Variants in CFAP410 observed in about 807,000 individuals in gnomAD.
CFAP410 encodes the protein cilia- and flagella-associated protein 410.
CFAP410 carries 27 observed loss-of-function variants against 25.7 expected under a neutral mutation model. The ratio of observed to expected loss-of-function variants is 1.05; its 90% CI spans 0.77 to 1.45. CFAP410 has a LOEUF of 1.45. CFAP410 is among the 40% of genes most tolerant of loss of function. The pLI, the probability that CFAP410 is intolerant of heterozygous loss-of-function variation, is 0.00. For missense variants in CFAP410, 428 were observed against 354.1 expected (o/e 1.21, Z -1.67); for synonymous variants, 178 against 158.4 (o/e 1.12, Z -0.93).
chr21:44,330,998 C>T (rs1030337425), intron 5 of CFAP410, 79 bp from the exon 6 acceptor site: 41 of 1,284,686 alleles, frequency 3.2e-5, no homozygotes, highest in Admixed American at 2.3e-4. Context: ...GTCTGCGGGT[C>T]GCATCCAAGC....
At chr21:44,334,614 T>C (rs2047719979) in intron 3 of CFAP410, 2 of 277,644 alleles carry the variant, frequency 7.2e-6, no homozygotes, top group Non-Finnish European at 1.4e-5. Flanking sequence ...CCCTGTGGGG[T>C]GGGCACTTGT....
chr21:44,334,730 T>C (rs1000820324), intron 3 of CFAP410: 1 of 231,632 alleles, frequency 4.3e-6, no homozygotes, highest in Non-Finnish European at 8.7e-6. Flanking sequence ...CCCATGAGCA[T>C]GCCTCCAAGC....
rs768002305 is a variant in CFAP410, at chr21:44,329,876, C to T, written c.*322G>A. On this transcript the variant is annotated 3_prime_UTR_variant, in exon 7 of 7. Transcript: ENST00000339818. Reference sequence around the variant, plus strand: ...ACTGTCACAACCATGCCTTGGGAAACGTCACCTCCAGATCAACCTTGGGAA... The same window carrying T: ...ACTGTCACAACCATGCCTTGGGAAATGTCACCTCCAGATCAACCTTGGGAA... 6.9e-6 allele frequency: 2 copies of T among 291,294 alleles called. No individual in the cohort carries two copies. Among genetic ancestry groups the T allele is most frequent in the South Asian group, 6.7e-5 (1 of 14,924 alleles). The allele number at this position is 291,294 out of a possible 1,614,324, so 18.0% of individuals were successfully genotyped here. A position where few individuals can be genotyped will look rare whatever the true frequency, so the allele number is the denominator to read the frequency against.
chr21:44,337,631 C>A lies in CFAP410; in HGVS notation c.96+18G>T. On this transcript the variant is annotated intron_variant, in intron 2 of 6. Coordinates refer to ENST00000339818, the MANE Select transcript of CFAP410 (RefSeq NM_004928.3). The stretch of plus-strand genomic sequence containing the variant: ...GAGATGATCAGTGCAATACTTACAT[C>A]TGTGAGGCAATACTTACATCTGTGA... 6.2e-7 allele frequency: 1 copy of A among 1,610,184 alleles called. No homozygotes were observed. Among genetic ancestry groups the A allele is most frequent in the Non-Finnish European group, 8.5e-7 (1 of 1,176,848 alleles).
chr21:44,337,541 G>A (rs1298258972), intron 2 of CFAP410, 108 bp downstream of exon 2: 2 of 916,602 alleles, frequency 2.2e-6, no homozygotes, highest in Non-Finnish European at 3.5e-6. Flanking sequence ...ATTGATAGGT[G>A]CAGTTTTGTC....
In CFAP410 at chr21:44,330,313, G is replaced by A. The variant is rs1231631195; in HGVS notation, c.656C>T (p.Ala219Val). The A allele has an allele frequency of 6.2e-7, 1 of 1,610,654 alleles. No individual in the cohort carries two copies. The highest frequency in any genetic ancestry group is 8.5e-7 in the Non-Finnish European group (1 of 1,178,904). ...SSHRGRNVLT[A>V]ILLLLRELDA... ...CAGCTCCCGCAGCAGCAGCAGGATG[G>A]CAGTCAGGACGTTCTGAGGGCAGAG... is the stretch of plus-strand genomic sequence containing the variant. Residue 219 changes from alanine to valine, a missense_variant, in exon 7 of 7, where the codon GCC becomes GTC. Physicochemically the swap from Ala to Val is moderately conservative, Grantham distance 64. Transcript: ENST00000339818.
Position 44,333,136 on chromosome 21 carries a change from C to G in CFAP410, c.270G>C (p.Arg90=). 1 of 1,612,232 alleles carries G rather than the reference C, an allele frequency of 6.2e-7. No homozygotes were observed. The highest frequency in any genetic ancestry group is 1.1e-5 in the South Asian group (1 of 91,014). Reference sequence around the variant, plus strand: ...ACGGGTTCTCGGCCAGCCACAGCACCCGCAGACGCGGCAGCCCCTTCAGGT... The same window carrying G: ...ACGGGTTCTCGGCCAGCCACAGCACGCGCAGACGCGGCAGCCCCTTCAGGT... The part of the protein sequence containing the change: ...LFYLKGLPRL[R]VLWLAENPCC... The change falls in exon 4 of 7, where the codon CGG becomes CGC. Residue 90 remains arginine (R), a synonymous_variant. Transcript: ENST00000339818.
chr21:44,337,674 A>G lies in CFAP410; in HGVS notation c.78-7T>C. The G allele has an allele frequency of 1.2e-6, 2 of 1,611,576 alleles. No individual in the cohort carries two copies. The highest frequency in any genetic ancestry group is 1.7e-6 in the Non-Finnish European group (2 of 1,178,196). On this transcript the variant is annotated splice_region_variant and splice_polypyrimidine_tract_variant and intron_variant, in intron 1 of 6. Transcript: ENST00000339818. The stretch of plus-strand genomic sequence containing the variant: ...ATCTGTGAGGCGGCTGCCCCTGGGG[A>G]GAGAAAAGATACATACTTTAATTTT...
intron 5 of CFAP410, 158 bp downstream of exon 5, chr21:44,331,685 C>G: frequency 2.9e-6 from 2 of 688,974 alleles, no homozygotes; most frequent in Non-Finnish European, 4.6e-6. Context: ...CACTGAGTCA[C>G]TCCCAGAGAA....
intron 2 of CFAP410, 108 bp downstream of exon 2, chr21:44,337,541 G>T: frequency 2.2e-6 from 2 of 916,602 alleles, no homozygotes; most frequent in Non-Finnish European, 3.5e-6. Flanking sequence ...ATTGATAGGT[G>T]CAGTTTTGTC....
At chr21:44,338,514 C>T (rs1480586515) in intron 1 of CFAP410, 1 of 320,994 alleles carries the variant, frequency 3.1e-6, no homozygotes, top group Non-Finnish European at 6.4e-6. Context: ...GGAACGGCCG[C>T]CCCCAGTACT....
At chr21:44,337,712 T>TA in intron 1 of CFAP410, 45 bp from the exon 2 acceptor site, 1 of 1,561,104 alleles carries the variant, frequency 6.4e-7, no homozygotes, top group Non-Finnish European at 8.8e-7. Context: ...TAAAGTTGAA[T>TA]AAAAAACACT....
At position 44,330,084 on chromosome 21, in the gene CFAP410, G is replaced by C; in HGVS notation, c.*114C>G. The C allele has an allele frequency of 8.0e-7, 1 of 1,253,794 alleles. No individual in the cohort carries two copies. Among genetic ancestry groups the C allele is most frequent in the South Asian group, 1.4e-5 (1 of 70,490 alleles). 77.7% of individuals were successfully genotyped at this position (1,253,794 alleles called of 1,614,324 possible). A position where few individuals can be genotyped will look rare whatever the true frequency, so the allele number is the denominator to read the frequency against. Reference sequence around the variant, plus strand: ...CCCTCGGCCGATGTGGCAAACCGGGGAGGCTTTTGTGTGGGGCCGGGGCTG... The same window carrying C: ...CCCTCGGCCGATGTGGCAAACCGGGCAGGCTTTTGTGTGGGGCCGGGGCTG... On this transcript the variant is annotated 3_prime_UTR_variant, in exon 7 of 7. Coordinates refer to ENST00000339818, the MANE Select transcript of CFAP410 (RefSeq NM_004928.3).
intron 3 of CFAP410, chr21:44,334,242 C>T: frequency 2.2e-6 from 1 of 456,318 alleles, no homozygotes; most frequent in South Asian, 1.5e-5. Flanking sequence ...CTGTCCCTCC[C>T]GAGATGTGAC....
Position 44,339,177 on chromosome 21 carries a change from C to G in CFAP410, c.18G>C (p.Lys6Asn). Residue 6 changes from lysine (K) to asparagine (N), a missense_variant, in exon 1 of 7, where the codon AAG becomes AAC. Physicochemically the swap from Lys to Asn is moderately conservative, Grantham distance 94. Coordinates refer to ENST00000339818, the MANE Select transcript of CFAP410 (RefSeq NM_004928.3). Reference sequence around the variant, plus strand: ...AGGCCTTGGCCCGGGTCAGAACCATCTTCCGCGTCAGCTTCATGGCGGCCG... The same window carrying G: ...AGGCCTTGGCCCGGGTCAGAACCATGTTCCGCGTCAGCTTCATGGCGGCCG... The part of the protein sequence containing the change: MKLTR[K>N]MVLTRAKASE... 1 of 1,469,716 alleles carries G rather than the reference C, an allele frequency of 6.8e-7. No homozygotes were observed. The highest frequency in any genetic ancestry group is 1.3e-5 in the South Asian group (1 of 75,610). The allele number at this position is 1,469,716 out of a possible 1,614,324, so 91.0% of individuals were successfully genotyped here.
At chr21:44,334,261 C>T in intron 3 of CFAP410, 1 of 456,292 alleles carries the variant, frequency 2.2e-6, no homozygotes. Flanking sequence ...ACAGAAATGG[C>T]CCCACACACG....
intron 3 of CFAP410, chr21:44,334,657 C>T (rs2047720609): frequency 3.7e-6 from 1 of 270,910 alleles, no homozygotes; most frequent in East Asian, 1.1e-4. Flanking sequence ...GAAACTGAGG[C>T]ACAGAGAGGG....
chr21:44,337,569 G>A (rs992723208), intron 2 of CFAP410, 80 bp downstream of exon 2: 43 of 1,313,294 alleles, frequency 3.3e-5, no homozygotes, highest in Non-Finnish European at 4.5e-5. Context: ...AAATTCTCTT[G>A]GGAAAGAAGC....
At position 44,330,132 on chromosome 21, in the gene CFAP410, G is replaced by C. The variant is rs528429254; in HGVS notation, c.*66C>G. ...CTGCGGCCATGGCAGCCACCCTCCA[G>C]CTCCCGGGGGCTGGGGAAGACGCTG... On this transcript the variant is annotated 3_prime_UTR_variant, in exon 7 of 7. Coordinates refer to ENST00000339818, the MANE Select transcript of CFAP410 (RefSeq NM_004928.3). The C allele has an allele frequency of 1.3e-6, 2 of 1,508,792 alleles. No individual in the cohort carries two copies. Among genetic ancestry groups the C allele is most frequent in the South Asian group, 1.2e-5 (1 of 82,110 alleles). The allele number at this position is 1,508,792 out of a possible 1,614,324, so 93.5% of individuals were successfully genotyped here. A position where few individuals can be genotyped will look rare whatever the true frequency, so the allele number is the denominator to read the frequency against.
Sources: gnomAD v4.1 joint callset for allele counts on GRCh38, gnomAD v4.1.1 for gene constraint, MANE v1.5 for transcripts, NCBI Gene and HGNC (gene_info 2026-07-23, HGNC 2026-07-21) for gene names.